PNOC: variants seen among roughly 807,000 people sequenced by gnomAD.
PNOC encodes the protein prepronociceptin, also known as nociceptin.
PNOC carries 10 observed loss-of-function variants against 15.6 expected under a neutral mutation model. The observed-to-expected ratio is 0.64, with a 90% CI of 0.40 to 1.09. The LOEUF (loss-of-function observed/expected upper bound fraction) is 1.09, where lower values mean the gene tolerates loss of function less well. PNOC is among the 50% of genes least tolerant of loss of function. The pLI is 0.01. For missense variants in PNOC, 220 were observed against 223.9 expected (o/e 0.98, Z 0.11); for synonymous variants, 98 against 88.5 (o/e 1.11, Z -0.60).
chr8:28,321,325 C>G (rs921294267), intron 1 of PNOC, among the ~76,000 whole-genome samples: 1 of 151,398 alleles, frequency 6.6e-6, no homozygotes, highest in Non-Finnish European at 1.5e-5. Flanking sequence ...GCCAATACAC[C>G]CAGCTAAAAG....
chr8:28,317,527 T>G (rs1801078608), intron 1 of PNOC, among the ~76,000 whole-genome samples: 1 of 152,176 alleles, frequency 6.6e-6, no homozygotes. Context: ...AGTCTCTTTT[T>G]TAACCTCAGA....
intron 2 of PNOC, 156 bp from the exon 3 acceptor site, chr8:28,338,884 C>T (rs897738278): frequency 2.9e-6 from 3 of 1,017,888 alleles, no homozygotes; most frequent in East Asian, 2.6e-5. Flanking sequence ...TGAAATTCTA[C>T]GAACCTAAAA....
chr8:28,339,626 T>C (rs1585842303), intron 3 of PNOC, 135 bp downstream of exon 3: 1 of 627,936 alleles, frequency 1.6e-6, no homozygotes, highest in African/African-American at 2.1e-5. Flanking sequence ...CCGCAAGGAG[T>C]CCAGCCCACC....
At chr8:28,331,768 C>G (rs114768361) in intron 2 of PNOC, among the ~76,000 whole-genome samples, 1,743 of 152,296 alleles carry the variant, frequency 0.011, 44 homozygotes, top group African/African-American at 0.04. Flanking sequence ...GGAGTGGGCC[C>G]TCCTTCCTCA....
At chr8:28,341,193 G>A (rs1368196484) in intron 3 of PNOC, among the ~76,000 whole-genome samples, 2 of 152,190 alleles carry the variant, frequency 1.3e-5, no homozygotes, top group African/African-American at 4.8e-5. Flanking sequence ...ACTTTAGCAT[G>A]GAGACGGCCC....
At chr8:28,337,377 G>A (rs927533328) in intron 2 of PNOC, among the ~76,000 whole-genome samples, 1 of 152,048 alleles carries the variant, frequency 6.6e-6, no homozygotes, top group Admixed American at 6.5e-5. Flanking sequence ...ATAGCTCACC[G>A]CAACCTCCGC....
intron 1 of PNOC, among the ~76,000 whole-genome samples, chr8:28,324,237 G>A (rs1041839957): frequency 1.3e-5 from 2 of 152,042 alleles, no homozygotes; most frequent in Non-Finnish European, 1.5e-5. Flanking sequence ...TTTATACCTC[G>A]CCCTTAAATC....
At chr8:28,318,887 T>G (rs762278885) in intron 1 of PNOC, among the ~76,000 whole-genome samples, 1 of 152,226 alleles carries the variant, frequency 6.6e-6, no homozygotes, top group Non-Finnish European at 1.5e-5. Context: ...GAGTTTGCAT[T>G]GTCAGTGAAG....
intron 1 of PNOC, among the ~76,000 whole-genome samples, chr8:28,326,440 C>T (rs527290252): frequency 6.6e-6 from 1 of 152,148 alleles, no homozygotes; most frequent in Admixed American, 6.6e-5. Context: ...GCTTTGATGA[C>T]GCACAAGAAG....
At chr8:28,320,273 C>G (rs984320674) in intron 1 of PNOC, among the ~76,000 whole-genome samples, 1 of 151,692 alleles carries the variant, frequency 6.6e-6, no homozygotes, top group Non-Finnish European at 1.5e-5. Context: ...TCTTTCCACA[C>G]TGGCCTGCAA....
chr8:28,332,876 A>T (rs570670641), intron 2 of PNOC, among the ~76,000 whole-genome samples: 5 of 152,018 alleles, frequency 3.3e-5, no homozygotes, highest in Non-Finnish European at 1.5e-5. Context: ...ACTTAAACCC[A>T]AAAGGCAGAG....
chr8:28,329,413 A>C (rs970242114), intron 2 of PNOC, 130 bp downstream of exon 2: 7 of 1,008,284 alleles, frequency 6.9e-6, no homozygotes, highest in Admixed American at 2.3e-5. Context: ...TCAGCATTAC[A>C]TGGCCCATAG....
intron 1 of PNOC, among the ~76,000 whole-genome samples, 178 bp from the exon 2 acceptor site, chr8:28,328,957 A>C (rs2645722): frequency 0.33 from 49,490 of 151,924 alleles, 9,939 homozygotes; most frequent in Non-Finnish European, 0.46. Flanking sequence ...GGTGATAGGC[A>C]GGGTCGCCTA....
intron 3 of PNOC, 31 bp downstream of exon 3, chr8:28,339,522 G>T: frequency 6.9e-7 from 1 of 1,455,474 alleles, no homozygotes. Flanking sequence ...CTGGGGGCAA[G>T]GAGAGACCTC....
At chr8:28,322,037 T>G (rs1305916966) in intron 1 of PNOC, among the ~76,000 whole-genome samples, 1 of 152,194 alleles carries the variant, frequency 6.6e-6, no homozygotes, top group Non-Finnish European at 1.5e-5. Context: ...CTGATGGACA[T>G]GCAGCTGGTG....
intron 2 of PNOC, among the ~76,000 whole-genome samples, chr8:28,330,318 A>C (rs1801300464): frequency 6.6e-6 from 1 of 151,832 alleles, no homozygotes; most frequent in African/African-American, 2.4e-5. Context: ...CTGTGGATAC[A>C]GAAGGACCGT....
chr8:28,339,093 A>C lies in PNOC; in HGVS notation c.180A>C (p.Pro60=). ...TCTTCCCCAGCCCCCTCTGGACTCC[A>C]TGCACCAAGGTCATGGCCAGGAGCT... ...EKVFPSPLWT[P]CTKVMARSSW... Residue 60 remains proline, a synonymous_variant, in exon 3 of 4, where the codon CCA becomes CCC. Transcript: ENST00000301908. The C allele has an allele frequency of 6.2e-7, 1 of 1,604,088 alleles. No homozygotes were observed. The highest frequency in any genetic ancestry group is 8.5e-7 in the Non-Finnish European group (1 of 1,171,588).
chr8:28,318,050 A>G (rs554183724), intron 1 of PNOC, among the ~76,000 whole-genome samples: 8 of 151,548 alleles, frequency 5.3e-5, no homozygotes, highest in African/African-American at 1.7e-4. Context: ...CCCCCTGCCC[A>G]TCTCCCCCAC....
intron 3 of PNOC, among the ~76,000 whole-genome samples, chr8:28,340,852 G>A (rs888686553): frequency 1.4e-4 from 21 of 152,144 alleles, no homozygotes; most frequent in Admixed American, 1.3e-3. Flanking sequence ...ATTACCATAG[G>A]GTGGGCACAA....
Sources: allele counts gnomAD v4.1 joint callset (sites outside exome capture counted in the v4.1 genomes callset), GRCh38; gene constraint gnomAD v4.1.1; transcripts MANE v1.5; gene names NCBI Gene and HGNC (gene_info 2026-07-23, HGNC 2026-07-21).